The following SORCS2 variants were observed in gnomAD, a reference collection of about 807,000 sequenced individuals.
SORCS2 encodes the protein VPS10 domain-containing receptor SorCS2.
A neutral mutation model predicts 141.6 loss-of-function variants in SORCS2; 100 were observed. That is an observed-to-expected ratio of 0.71 (90% CI 0.60 to 0.83). The LOEUF is 0.83. Among genes scored for constraint, SORCS2 ranks in the 40% least tolerant of loss-of-function variants. SORCS2 has a pLI of 0.00. For synonymous variants in SORCS2, 789 were observed against 676.9 expected, an observed-to-expected ratio of 1.17 and a Z score of -2.57; for missense variants, 1,646 against 1,560.2, an observed-to-expected ratio of 1.05 and a Z score of -0.93.
Position 7,712,864 on chromosome 4 carries a change from A to T in SORCS2, c.1989+11A>T. 6.2e-7 allele frequency: 1 copy of T among 1,613,536 alleles called. No homozygotes were observed. The highest frequency in any genetic ancestry group is 1.1e-5 in the South Asian group (1 of 91,064). ...CTCTCCAACCTGCAGGTGGGCCGGCATGAGGCTGGGATCGGGCAGGTGGGG... is the reference window on the plus strand; with the variant it reads ...CTCTCCAACCTGCAGGTGGGCCGGCTTGAGGCTGGGATCGGGCAGGTGGGG... On this transcript the variant is annotated intron_variant, in intron 15 of 26. Transcript: ENST00000507866.
intron 17 of SORCS2, among the ~76,000 whole-genome samples, chr4:7,716,734 T>C (rs147263429): frequency 6.6e-6 from 1 of 152,224 alleles, no homozygotes; most frequent in Non-Finnish European, 1.5e-5. Context: ...TGTCTACCCA[T>C]GCACCTATGT....
intron 2 of SORCS2, among the ~76,000 whole-genome samples, chr4:7,437,830 G>A (rs1458532178): frequency 6.6e-6 from 1 of 152,056 alleles, no homozygotes; most frequent in African/African-American, 2.4e-5. Context: ...CACTTGTTTC[G>A]AGGTTCTCAC....
At chr4:7,215,364 C>T (rs1229328084) in intron 1 of SORCS2, among the ~76,000 whole-genome samples, 5 of 152,230 alleles carry the variant, frequency 3.3e-5, no homozygotes, top group African/African-American at 7.2e-5. Flanking sequence ...GCTGCCTTTC[C>T]GCGGGGCAGG....
chr4:7,309,483 G>T (rs1285064592), intron 1 of SORCS2, among the ~76,000 whole-genome samples: 1 of 152,136 alleles, frequency 6.6e-6, no homozygotes, highest in African/African-American at 2.4e-5. Context: ...GAGCAGAGGG[G>T]CCTGGTTGAC....
intron 2 of SORCS2, among the ~76,000 whole-genome samples, chr4:7,444,485 G>C (rs1727867948): frequency 1.3e-5 from 2 of 152,202 alleles, no homozygotes; most frequent in African/African-American, 4.8e-5. Flanking sequence ...CAAGCAGCAA[G>C]GCCAGCCTGT....
At position 7,262,631 on chromosome 4, in the gene SORCS2, G is replaced by A. The variant is rs377560155; in HGVS notation, c.480+69505G>A. ...ATATATACAAGATGATCGGCAAGAA[G>A]CTGACTGGGGCACTTTGGTGAGGGG... is the stretch of plus-strand genomic sequence containing the variant. On this transcript the variant is annotated intron_variant, in intron 1 of 26. Coordinates refer to ENST00000507866, the MANE Select transcript of SORCS2 (RefSeq NM_020777.3). Among the ~76,000 whole-genome samples, 32 of 152,352 alleles carry A rather than the reference G, an allele frequency of 2.1e-4. 1 individual carries two copies. The East Asian group carries it at 4.6e-3, about 22-fold the overall frequency.
chr4:7,706,017 G>T (rs1173734184), intron 14 of SORCS2, among the ~76,000 whole-genome samples: 1 of 146,318 alleles, frequency 6.8e-6, no homozygotes, highest in African/African-American at 2.4e-5. Context: ...CAGGGATGAG[G>T]CTGGGCTCTG....
chr4:7,689,527 C>T lies in SORCS2; in HGVS notation c.1530C>T (p.Asn510=), dbSNP rs369017465. The T allele has an allele frequency of 1.0e-5, 16 of 1,606,948 alleles. No homozygotes were observed. The highest frequency in any genetic ancestry group is 1.2e-5 in the Non-Finnish European group (14 of 1,177,346). ...ACCTGCACCTGCGCTGGGCAGACAACCCCTACGTATCAGGCACCGTGCACA... is the reference window on the plus strand; with the variant it reads ...ACCTGCACCTGCGCTGGGCAGACAATCCCTACGTATCAGGCACCGTGCACA... ...HLHLHLRWAD[N]PYVSGTVHTK... Residue 510 remains asparagine (N), a synonymous_variant, in exon 11 of 27, where the codon AAC becomes AAT. Transcript: ENST00000507866.
intron 2 of SORCS2, among the ~76,000 whole-genome samples, chr4:7,407,413 C>T (rs981050591): frequency 2.0e-5 from 3 of 152,002 alleles, no homozygotes; most frequent in Non-Finnish European, 2.9e-5. Flanking sequence ...GTGCATTGAC[C>T]CCTTTATCAT....
Position 7,447,532 on chromosome 4 carries a change from C to T in SORCS2, c.548+51177C>T, listed in dbSNP as rs535910864. Among the ~76,000 whole-genome samples the T allele has an allele frequency of 3.9e-5, 6 of 152,286 alleles. No individual in the cohort carries two copies. In the South Asian group the frequency reaches 1.2e-3, roughly 32 times the overall value. ...ATGTGCACTTGGATCATAGTAGATC[C>T]ATCATTTCTATTTGGATTTTTCTTC... On this transcript the variant is annotated intron_variant, in intron 2 of 26. Coordinates refer to ENST00000507866, the MANE Select transcript of SORCS2 (RefSeq NM_020777.3).
rs1258938547 is a variant in SORCS2 at position 7,201,480 on chromosome 4, G to A, written c.480+8354G>A. ...CAGATGAGAAGGCAGCCCAGAGCTT[G>A]CGTGGGCCTCTCGGCGTAGCCGTTA... On this transcript the variant is annotated intron_variant, in intron 1 of 26. Coordinates refer to ENST00000507866, the MANE Select transcript of SORCS2 (RefSeq NM_020777.3). The surrounding 1 kb of genome is among the most constrained non-coding windows in gnomAD (Gnocchi z 4.4). Among the ~76,000 whole-genome samples the A allele has an allele frequency of 1.3e-5, 2 of 152,356 alleles. No individual in the cohort carries two copies. Among genetic ancestry groups the A allele is most frequent in the Admixed American group, 1.3e-4 (2 of 15,304 alleles).
intron 11 of SORCS2, among the ~76,000 whole-genome samples, chr4:7,693,652 G>T (rs910783684): frequency 1.3e-5 from 2 of 152,250 alleles, no homozygotes. Context: ...TGGCAGAGGT[G>T]ATGGTAGCAT....
At chr4:7,351,273 T>G (rs538153226) in intron 1 of SORCS2, among the ~76,000 whole-genome samples, 1 of 152,276 alleles carries the variant, frequency 6.6e-6, no homozygotes, top group South Asian at 2.1e-4. Flanking sequence ...AGAGACCTGC[T>G]CACAACGGAA....
Position 7,583,726 on chromosome 4 carries a change from A to G in SORCS2, c.648+52097A>G, listed in dbSNP as rs549891128. ...CCATGATTGTGAGGCTTCCCCAGCC[A>G]CATGGAACTGTGAGTCCATTAAACC... On this transcript the variant is annotated intron_variant, in intron 3 of 26. Transcript: ENST00000507866. Among the ~76,000 whole-genome samples the G allele has an allele frequency of 2.6e-5, 4 of 152,360 alleles. No individual in the cohort carries two copies. In the South Asian group the frequency reaches 8.3e-4, roughly 32 times the overall value.
At chr4:7,529,014 C>T (rs1171935701) in intron 2 of SORCS2, among the ~76,000 whole-genome samples, 2 of 152,132 alleles carry the variant, frequency 1.3e-5, no homozygotes, top group African/African-American at 2.4e-5. Context: ...CTTATAACAC[C>T]AGCCATACAG....
intron 14 of SORCS2, among the ~76,000 whole-genome samples, chr4:7,712,290 G>A (rs1725870938): frequency 1.3e-5 from 2 of 152,302 alleles, no homozygotes; most frequent in South Asian, 2.1e-4. Flanking sequence ...ACCCTCACAC[G>A]GTCAGGCTGG....
rs1047818760 is a variant in SORCS2, at chr4:7,484,218, C to T, written c.549-47312C>T. The stretch of plus-strand genomic sequence containing the variant: ...AGCTCGCGTCCCTGCGCCGGCAGAT[C>T]GCCGCTGAGTCTGAACGTATTTTCC... On this transcript the variant is annotated intron_variant, in intron 2 of 26. Transcript: ENST00000507866. Among the ~76,000 whole-genome samples, 16 of 152,304 alleles carry T rather than the reference C, an allele frequency of 1.1e-4. 2 individuals carry two copies. The East Asian group carries it at 1.9e-3, about 18-fold the overall frequency.
rs1201244805 is a variant in SORCS2 at position 7,724,661 on chromosome 4, T to C, written c.2612-493T>C. Among the ~76,000 whole-genome samples the C allele has an allele frequency of 3.0e-4, 44 of 145,612 alleles. 12 individuals carry two copies. Among genetic ancestry groups the C allele is most frequent in the South Asian group, 1.5e-3 (7 of 4,636 alleles). On this transcript the variant is annotated intron_variant, in intron 19 of 26. Coordinates refer to ENST00000507866, the MANE Select transcript of SORCS2 (RefSeq NM_020777.3). ...ATGGTGGAGGTGATGGTGGTAGTTA[T>C]GGTGATAATGGTGGTAGTGGTGATG...
chr4:7,267,442 G>T (rs938098416), intron 1 of SORCS2, among the ~76,000 whole-genome samples: 1 of 152,118 alleles, frequency 6.6e-6, no homozygotes, highest in Non-Finnish European at 1.5e-5. Context: ...GCAGGCTGGG[G>T]CGAGGTCTCT....
Sources: gnomAD v4.1 joint callset for allele counts (sites outside exome capture counted in the v4.1 genomes callset) on GRCh38, gnomAD v4.1.1 for gene constraint, Gnocchi (gnomAD v3.1) non-coding constraint, MANE v1.5 for transcripts, NCBI Gene and HGNC (gene_info 2026-07-23, HGNC 2026-07-21) for gene names.